The following SYNDIG1 variants were observed in gnomAD, a reference collection of about 807,000 sequenced individuals.
SYNDIG1 encodes the protein synapse differentiation-inducing gene protein 1.
A neutral mutation model predicts 19.4 loss-of-function variants in SYNDIG1; 9 were observed. The observed-to-expected ratio is 0.46, with a 90% confidence interval of 0.28 to 0.81. SYNDIG1 has a LOEUF of 0.81. Among genes scored for constraint, SYNDIG1 ranks in the 30% least tolerant of loss-of-function variants. The probability of loss-of-function intolerance (pLI) is 0.12; values close to 1 mark genes in which losing one functional copy is unlikely to be tolerated. For missense variants in SYNDIG1, 311 were observed against 343.3 expected (o/e 0.91, Z 0.74); for synonymous variants, 141 against 145.9 (o/e 0.97, Z 0.24).
chr20:24,665,272 G>A (rs756222685), intron 3 of SYNDIG1, 74 bp from the exon 4 acceptor site: 17 of 1,517,966 alleles, frequency 1.1e-5, no homozygotes, highest in Admixed American at 6.6e-5. Context: ...ATCAGGAGCC[G>A]TAGATGAGCC....
At chr20:24,522,366 T>G (rs2057023637) in intron 1 of SYNDIG1, among the ~76,000 whole-genome samples, 1 of 152,184 alleles carries the variant, frequency 6.6e-6, no homozygotes. Context: ...GCTGGGATTA[T>G]AGGCATGAGC....
chr20:24,556,402 G>A (rs776564798), intron 2 of SYNDIG1, among the ~76,000 whole-genome samples: 2 of 152,122 alleles, frequency 1.3e-5, no homozygotes, highest in South Asian at 2.1e-4. Flanking sequence ...TCCTAGCCTC[G>A]ATGGTCTTTA....
intron 3 of SYNDIG1, among the ~76,000 whole-genome samples, chr20:24,604,928 C>T (rs1317417121): frequency 6.6e-6 from 1 of 152,112 alleles, no homozygotes; most frequent in Non-Finnish European, 1.5e-5. Flanking sequence ...TTTTTAACGT[C>T]CTCAGATTTA....
At chr20:24,648,735 G>A (rs544357853) in intron 3 of SYNDIG1, among the ~76,000 whole-genome samples, 5 of 152,294 alleles carry the variant, frequency 3.3e-5, no homozygotes, top group Admixed American at 3.3e-4. Flanking sequence ...TGTTAGAAAC[G>A]AGTGCCCAAG....
At chr20:24,549,297 G>A (rs747889049) in intron 2 of SYNDIG1, among the ~76,000 whole-genome samples, 6 of 151,938 alleles carry the variant, frequency 3.9e-5, no homozygotes, top group East Asian at 3.9e-4. Flanking sequence ...TAGCTTCCAC[G>A]AGTGGAACAT....
chr20:24,579,261 T>C (rs2058283273), intron 2 of SYNDIG1, among the ~76,000 whole-genome samples: 1 of 152,196 alleles, frequency 6.6e-6, no homozygotes, highest in Non-Finnish European at 1.5e-5. Flanking sequence ...TGGGCCCTTA[T>C]CACAAGTGAT....
intron 1 of SYNDIG1, among the ~76,000 whole-genome samples, chr20:24,506,811 C>G (rs1427644385): frequency 6.6e-6 from 1 of 152,148 alleles, no homozygotes; most frequent in African/African-American, 2.4e-5. Context: ...CAAAGCCAGG[C>G]ATACCTGAGC....
chr20:24,503,515 C>T (rs969975246), intron 1 of SYNDIG1, among the ~76,000 whole-genome samples: 1 of 152,178 alleles, frequency 6.6e-6, no homozygotes, highest in Non-Finnish European at 1.5e-5. Context: ...AGCTCGTCTA[C>T]TTTTGCTCTG....
chr20:24,513,145 A>C (rs969265595), intron 1 of SYNDIG1, among the ~76,000 whole-genome samples: 3 of 152,212 alleles, frequency 2.0e-5, no homozygotes, highest in Non-Finnish European at 2.9e-5. Flanking sequence ...TCATCAAAGA[A>C]CAAAGGTAGA....
rs6138321 is a variant in SYNDIG1 at position 24,560,129 on chromosome 20, C to T, written c.480+16552C>T. Among the ~76,000 whole-genome samples, 329 of 118,106 alleles carry T rather than the reference C, an allele frequency of 2.8e-3. 4 individuals are homozygous for T. In the East Asian group the frequency reaches 0.058, roughly 21 times the overall value. The allele number at this position is 118,106 out of a possible 152,430, so 77.5% of individuals were successfully genotyped here. A position where few individuals can be genotyped will look rare whatever the true frequency, so the allele number is the denominator to read the frequency against. Reference sequence around the variant, plus strand: ...TGTCACCCAGGCTGGAGTGCAGTGGCGCGATCTCAGCTCACTGCAACTTCT... The same window carrying T: ...TGTCACCCAGGCTGGAGTGCAGTGGTGCGATCTCAGCTCACTGCAACTTCT... On this transcript the variant is annotated intron_variant, in intron 2 of 3. Coordinates refer to ENST00000376862, the MANE Select transcript of SYNDIG1 (RefSeq NM_024893.3).
At chr20:24,598,105 C>G (rs2058624253) in intron 3 of SYNDIG1, among the ~76,000 whole-genome samples, 1 of 152,180 alleles carries the variant, frequency 6.6e-6, no homozygotes, top group Non-Finnish European at 1.5e-5. Context: ...GTTTGGGTGT[C>G]AGCAGCAAGC....
At chr20:24,585,355 C>T (rs2058400383) in intron 3 of SYNDIG1, among the ~76,000 whole-genome samples, 1 of 152,164 alleles carries the variant, frequency 6.6e-6, no homozygotes, top group Non-Finnish European at 1.5e-5. Flanking sequence ...TGCCGGGAAA[C>T]ACCATGCCCA....
chr20:24,495,011 G>A (rs1489559187), intron 1 of SYNDIG1, among the ~76,000 whole-genome samples: 1 of 152,218 alleles, frequency 6.6e-6, no homozygotes, highest in African/African-American at 2.4e-5. Flanking sequence ...TAAAAAGGTA[G>A]AACTCAGTTA....
intron 2 of SYNDIG1, among the ~76,000 whole-genome samples, chr20:24,549,586 G>A (rs1341084904): frequency 1.3e-5 from 2 of 152,160 alleles, no homozygotes; most frequent in Admixed American, 1.3e-4. Context: ...TTGCAGTAGT[G>A]TCTAGGGGTG....
intron 1 of SYNDIG1, among the ~76,000 whole-genome samples, chr20:24,500,570 CTT>C (rs941175706): frequency 3.4e-5 from 5 of 147,450 alleles, no homozygotes; most frequent in Admixed American, 1.4e-4. Flanking sequence ...CTCTCTCTCT[CTT>C]TCTTCTTTTT....
chr20:24,664,763 A>G (rs1046848035), intron 3 of SYNDIG1, among the ~76,000 whole-genome samples: 1 of 152,002 alleles, frequency 6.6e-6, no homozygotes, highest in African/African-American at 2.4e-5. Context: ...GAAGTGAATG[A>G]CTCATGGCCA....
At chr20:24,488,797 T>C (rs1198449277) in intron 1 of SYNDIG1, among the ~76,000 whole-genome samples, 1 of 152,206 alleles carries the variant, frequency 6.6e-6, no homozygotes, top group Non-Finnish European at 1.5e-5. Context: ...GCCTGGACTC[T>C]CAGCTGAAAC....
intron 3 of SYNDIG1, among the ~76,000 whole-genome samples, chr20:24,592,010 A>G (rs909460679): frequency 1.3e-5 from 2 of 152,250 alleles, no homozygotes; most frequent in Non-Finnish European, 2.9e-5. Context: ...TCCCAGGGAT[A>G]AGTCTGTCCT....
intron 1 of SYNDIG1, among the ~76,000 whole-genome samples, chr20:24,470,803 G>C (rs1485409260): frequency 6.6e-6 from 1 of 152,142 alleles, no homozygotes; most frequent in Non-Finnish European, 1.5e-5. Flanking sequence ...GCAGAGGCTT[G>C]GGCGCTTGGC....
Sources: allele counts gnomAD v4.1 joint callset (sites outside exome capture counted in the v4.1 genomes callset), GRCh38; gene constraint gnomAD v4.1.1; transcripts MANE v1.5; gene names NCBI Gene and HGNC (gene_info 2026-07-23, HGNC 2026-07-21).